The following FAM135B variants were observed in gnomAD, a reference collection of about 807,000 sequenced individuals.
FAM135B encodes the protein protein FAM135B.
FAM135B carries 43 observed loss-of-function variants against 127.7 expected under a neutral mutation model. The observed-to-expected ratio is 0.34, with a 90% CI of 0.26 to 0.43. The LOEUF is 0.43. FAM135B is among the 20% of genes least tolerant of loss of function. FAM135B has a pLI of 1.00. For synonymous variants in FAM135B, 670 were observed against 665.1 expected (o/e 1.01, Z -0.11); for missense variants, 1,558 against 1,725.6 (o/e 0.90, Z 1.72).
At chr8:138,340,869 T>C (rs996509903) in intron 2 of FAM135B, among the ~76,000 whole-genome samples, 1 of 152,168 alleles carries the variant, frequency 6.6e-6, no homozygotes, top group African/African-American at 2.4e-5. Flanking sequence ...CTTCTTTCTC[T>C]TGGGACTCTC....
At position 138,159,524 on chromosome 8, in the gene FAM135B, T is replaced by C. The variant is rs548004933; in HGVS notation, c.1259-6308A>G. The stretch of plus-strand genomic sequence containing the variant: ...CAAGGACAGAAAACCAAACACCACA[T>C]GTTCTCACTCATAGATAGGAATTGA... On this transcript the variant is annotated intron_variant, in intron 12 of 19. Coordinates refer to ENST00000395297, the MANE Select transcript of FAM135B (RefSeq NM_015912.4). 1.1e-3 allele frequency among the ~76,000 whole-genome samples: 164 copies of C among 147,402 alleles called. 2 individuals are homozygous for C. Among genetic ancestry groups the C allele is most frequent in the African/African-American group, 3.3e-3 (133 of 39,934 alleles).
intron 7 of FAM135B, among the ~76,000 whole-genome samples, chr8:138,214,291 T>C (rs1245829294): frequency 1.3e-5 from 2 of 152,256 alleles, no homozygotes; most frequent in Non-Finnish European, 2.9e-5. Context: ...TTTGTGTTAC[T>C]ATGAATAGCC....
chr8:138,408,490 G>A (rs1833663901), intron 1 of FAM135B, among the ~76,000 whole-genome samples: 1 of 152,152 alleles, frequency 6.6e-6, no homozygotes, highest in South Asian at 2.1e-4. Context: ...ATTGAAAAGA[G>A]TTAGGGCCTT....
intron 1 of FAM135B, among the ~76,000 whole-genome samples, chr8:138,442,653 A>G (rs975487808): frequency 6.6e-6 from 1 of 152,108 alleles, no homozygotes; most frequent in Non-Finnish European, 1.5e-5. Context: ...TCTGGAGAGT[A>G]GCCAGGATGT....
chr8:138,217,432 C>CTT (rs538347463), intron 7 of FAM135B, among the ~76,000 whole-genome samples: 36,326 of 128,968 alleles, frequency 0.28, 5,931 homozygotes, highest in Non-Finnish European at 0.33. Flanking sequence ...TGATATATTT[C>CTT]TTTTTTTTTT....
chr8:138,404,283 T>G (rs1389196031), intron 1 of FAM135B, among the ~76,000 whole-genome samples: 1 of 152,188 alleles, frequency 6.6e-6, no homozygotes, highest in Non-Finnish European at 1.5e-5. Flanking sequence ...ATTAAAAAAA[T>G]GCACACATCT....
chr8:138,496,323 C>T (rs533768495), intron 1 of FAM135B, among the ~76,000 whole-genome samples: 2 of 152,288 alleles, frequency 1.3e-5, no homozygotes, highest in East Asian at 1.9e-4. Context: ...GCGGTCTTCT[C>T]CTGAGCCTGG....
intron 7 of FAM135B, among the ~76,000 whole-genome samples, chr8:138,226,016 G>A (rs1174813780): frequency 1.3e-5 from 2 of 152,022 alleles, no homozygotes; most frequent in African/African-American, 4.8e-5. Context: ...AGTTTATAAG[G>A]AAATAGTATT....
chr8:138,485,892 G>C (rs1007794206), intron 1 of FAM135B, among the ~76,000 whole-genome samples: 9 of 152,096 alleles, frequency 5.9e-5, no homozygotes, highest in African/African-American at 1.7e-4. Context: ...AAACAAGTAT[G>C]ATATGTGAGT....
Position 138,152,393 on chromosome 8 carries a change from G to T in FAM135B, c.2082C>A (p.Ser694=). The change falls in exon 13 of 20, where the codon TCC becomes TCA. Residue 694 remains serine (S), a synonymous_variant. Coordinates refer to ENST00000395297, the MANE Select transcript of FAM135B (RefSeq NM_015912.4). ...TGCTTCGGGCCTCTGACCAGGCGAC[G>T]GAGCTTGGCTCACTCTCAATGCCTG... The part of the protein sequence containing the change: ...SDSGIESEPS[S]VAWSEARSRA... The T allele has an allele frequency of 6.2e-7, 1 of 1,614,170 alleles. No homozygotes were observed. Among genetic ancestry groups the T allele is most frequent in the Non-Finnish European group, 8.5e-7 (1 of 1,180,036 alleles).
intron 7 of FAM135B, among the ~76,000 whole-genome samples, chr8:138,223,883 C>T (rs370867588): frequency 6.6e-6 from 1 of 152,112 alleles, no homozygotes; most frequent in African/African-American, 2.4e-5. Flanking sequence ...ATTTTCTTTG[C>T]AGCAACATGG....
Position 138,411,222 on chromosome 8 carries a change from C to T in FAM135B, c.-19-43220G>A, listed in dbSNP as rs537255444. Among the ~76,000 whole-genome samples the T allele has an allele frequency of 2.0e-5, 3 of 151,872 alleles. No homozygotes were observed. In the South Asian group the frequency reaches 6.3e-4, roughly 32 times the overall value. On this transcript the variant is annotated intron_variant, in intron 1 of 19. Coordinates refer to ENST00000395297, the MANE Select transcript of FAM135B (RefSeq NM_015912.4). ...AAAGAACAAAGCTGGAGGCATCACT[C>T]TACCTCACTTCAAACTATACTACAA...
In FAM135B at chr8:138,178,706, A is replaced by AG. The variant is rs398113083; in HGVS notation, c.874-17dup. ...TGTTCAACATCTGGAGAGGCAAAAA[A>AG]GGTGGTATTCAAGGCTCCTGACTCC... On this transcript the variant is annotated splice_polypyrimidine_tract_variant and intron_variant, in intron 9 of 19. Coordinates refer to ENST00000395297, the MANE Select transcript of FAM135B (RefSeq NM_015912.4). 1 of 1,612,908 alleles carries AG rather than the reference A, an allele frequency of 6.2e-7. No homozygotes were observed. The highest frequency in any genetic ancestry group is 8.5e-7 in the Non-Finnish European group (1 of 1,179,314).
intron 1 of FAM135B, among the ~76,000 whole-genome samples, chr8:138,455,699 G>GT (rs1836737062): frequency 6.6e-6 from 1 of 152,268 alleles, no homozygotes; most frequent in African/African-American, 2.4e-5. Context: ...GAATGGATGG[G>GT]TAGGTGGGTA....
At chr8:138,205,553 G>A (rs975632858) in intron 7 of FAM135B, among the ~76,000 whole-genome samples, 1 of 152,082 alleles carries the variant, frequency 6.6e-6, no homozygotes, top group African/African-American at 2.4e-5. Flanking sequence ...CTGCAATCTG[G>A]GAAAATCACT....
intron 1 of FAM135B, among the ~76,000 whole-genome samples, chr8:138,453,617 A>C (rs1765699591): frequency 6.6e-6 from 1 of 152,142 alleles, no homozygotes; most frequent in Non-Finnish European, 1.5e-5. Context: ...GGTACCACAT[A>C]CAGTTAAGGG....
intron 7 of FAM135B, among the ~76,000 whole-genome samples, chr8:138,206,603 A>G (rs1304003173): frequency 6.7e-6 from 1 of 149,976 alleles, no homozygotes; most frequent in Non-Finnish European, 1.5e-5. Context: ...ACACAACTCC[A>G]GCATCCCCTC....
chr8:138,249,313 G>T (rs1279886823), intron 6 of FAM135B, among the ~76,000 whole-genome samples: 1 of 152,126 alleles, frequency 6.6e-6, no homozygotes, highest in Non-Finnish European at 1.5e-5. Context: ...CAGGTCTGCT[G>T]TCCTTTGTTT....
At chr8:138,156,893 C>T (rs1818811303) in intron 12 of FAM135B, among the ~76,000 whole-genome samples, 2 of 152,194 alleles carry the variant, frequency 1.3e-5, no homozygotes, top group African/African-American at 4.8e-5. Flanking sequence ...ACCATTCCTT[C>T]TGAAACTATT....
Sources: gnomAD v4.1 joint callset for allele counts (sites outside exome capture counted in the v4.1 genomes callset) on GRCh38, gnomAD v4.1.1 for gene constraint, MANE v1.5 for transcripts, NCBI Gene and HGNC (gene_info 2026-07-23, HGNC 2026-07-21) for gene names.